CRMP1: variants seen among roughly 807,000 people sequenced by gnomAD.
CRMP1 encodes the protein collapsin response mediator protein 1, also known as dihydropyrimidinase-related protein 1.
In CRMP1, 19 loss-of-function variants were observed where a neutral mutation model predicts 68.3. The observed-to-expected ratio is 0.28, with a 90% CI of 0.19 to 0.41. CRMP1 has a LOEUF of 0.41. Ranked by LOEUF, CRMP1 falls within the 10% of genes least tolerant of loss-of-function variation. The pLI is 1.00. For synonymous variants in CRMP1, 439 were observed against 399.6 expected, an observed-to-expected ratio of 1.10 and a Z score of -1.18; for missense variants, 791 against 967.4, an observed-to-expected ratio of 0.82 and a Z score of 2.42.
At chr4:5,845,973 A>G (rs1712167179) in intron 6 of CRMP1, among the ~76,000 whole-genome samples, 1 of 152,176 alleles carries the variant, frequency 6.6e-6, no homozygotes, top group South Asian at 2.1e-4. Flanking sequence ...TCCCAGTATT[A>G]TCAGCCACAA....
chr4:5,872,579 C>G lies in CRMP1; in HGVS notation c.382-5823G>C, dbSNP rs909939466. ...GCAGGCACCTGTAATCCCAGCTACT[C>G]GGGAGGCTGAGGCAGGAGAATCACT... On this transcript the variant is annotated intron_variant, in intron 1 of 13. Coordinates refer to ENST00000324989, the MANE Select transcript of CRMP1 (RefSeq NM_001014809.3). The surrounding 1 kb of genome is among the most constrained non-coding windows in gnomAD (Gnocchi z 4.6). 6.6e-6 allele frequency among the ~76,000 whole-genome samples: 1 copy of G among 152,102 alleles called. No homozygotes were observed. The highest frequency in any genetic ancestry group is 3.2e-3 in the Middle Eastern group (1 of 316).
rs1279431747 is a variant in CRMP1, at chr4:5,853,880, T to C, written c.820+2263A>G. Among the ~76,000 whole-genome samples the C allele has an allele frequency of 6.6e-6, 1 of 152,210 alleles. No individual in the cohort carries two copies. ...TCACTTATATGTGGAATCTAAAAAG[T>C]TGATTTCATAGAAGCATACAAAGTT... is the stretch of plus-strand genomic sequence containing the variant. On this transcript the variant is annotated intron_variant, in intron 4 of 13. Transcript: ENST00000324989. This position sits in a 1 kb window ranked among gnomAD's most constrained non-coding sequence, Gnocchi z 4.7.
rs900546216 is a variant in CRMP1, at chr4:5,859,996, C to T, written c.655+1030G>A. Among the ~76,000 whole-genome samples the T allele has an allele frequency of 6.6e-5, 10 of 152,002 alleles. No homozygotes were observed. Among genetic ancestry groups the T allele is most frequent in the Admixed American group, 5.2e-4 (8 of 15,262 alleles). ...TTATTAAAATGAATCCAAGCAAAAG[C>T]GGCTCTTCAAAATCAACACAAGAAA... On this transcript the variant is annotated intron_variant, in intron 3 of 13. Transcript: ENST00000324989. The surrounding 1 kb of genome is among the most constrained non-coding windows in gnomAD (Gnocchi z 5.2).
intron 12 of CRMP1, chr4:5,827,967 GA>G: frequency 1.1e-6 from 1 of 908,594 alleles, no homozygotes; most frequent in Non-Finnish European, 1.3e-6. Flanking sequence ...GTTGTTCAAG[GA>G]AAATAAGGAA....
At chr4:5,847,234 A>G (rs1039178142) in intron 6 of CRMP1, among the ~76,000 whole-genome samples, 1 of 152,150 alleles carries the variant, frequency 6.6e-6, no homozygotes, top group Non-Finnish European at 1.5e-5. Context: ...TTCCTTCTTT[A>G]GCTTCATAGA....
In CRMP1 at chr4:5,825,468, G is replaced by A; in HGVS notation, c.1969+26C>T. On this transcript the variant is annotated intron_variant, in intron 13 of 13. Coordinates refer to ENST00000324989, the MANE Select transcript of CRMP1 (RefSeq NM_001014809.3). The surrounding 1 kb of genome is among the most constrained non-coding windows in gnomAD (Gnocchi z 4.4). ...CGGCCTGAACTGCTGCAATTGTGGG[G>A]AGCCTGGGCCACCACTCTTTCCTAC... is the stretch of plus-strand genomic sequence containing the variant. The A allele has an allele frequency of 6.5e-7, 1 of 1,543,928 alleles. No homozygotes were observed. The highest frequency in any genetic ancestry group is 8.7e-7 in the Non-Finnish European group (1 of 1,153,138).
rs554667874 is a variant in CRMP1, at chr4:5,838,378, G to A, written c.1310+1144C>T. Among the ~76,000 whole-genome samples, 55 of 152,170 alleles carry A rather than the reference G, an allele frequency of 3.6e-4. No homozygotes were observed. In the South Asian group the frequency reaches 9.8e-3, roughly 27 times the overall value. ...GGTTTCACTGGCAGAGGACTTACTGGTTCCAAGCAGAGGGGTGCTTGATCT... is the reference window on the plus strand; with the variant it reads ...GGTTTCACTGGCAGAGGACTTACTGATTCCAAGCAGAGGGGTGCTTGATCT... On this transcript the variant is annotated intron_variant, in intron 9 of 13. Transcript: ENST00000324989. This position sits in a 1 kb window ranked among gnomAD's most constrained non-coding sequence, Gnocchi z 4.9.
In CRMP1 at chr4:5,845,380, G is replaced by A. The variant is rs140701972; in HGVS notation, c.964-2219C>T. Among the ~76,000 whole-genome samples the A allele has an allele frequency of 4.1e-4, 63 of 152,354 alleles. No homozygotes were observed. The East Asian group carries it at 9.8e-3, about 24-fold the overall frequency. ...TGGTTAATCTGCTCTGAAGGAAGCC[G>A]CCTCGCTGGGGCTGCCCATGTGCAA... On this transcript the variant is annotated intron_variant, in intron 6 of 13. Coordinates refer to ENST00000324989, the MANE Select transcript of CRMP1 (RefSeq NM_001014809.3).
Position 5,888,667 on chromosome 4 carries a change from T to G in CRMP1, c.381+3922A>C. 4.8e-6 allele frequency: 4 copies of G among 828,118 alleles called. No individual in the cohort carries two copies. Among genetic ancestry groups the G allele is most frequent in the Non-Finnish European group, 5.4e-6 (4 of 746,528 alleles). 51.3% of individuals were successfully genotyped at this position (828,118 alleles called of 1,614,324 possible). On this transcript the variant is annotated intron_variant, in intron 1 of 13. Coordinates refer to ENST00000324989, the MANE Select transcript of CRMP1 (RefSeq NM_001014809.3). This position sits in a 1 kb window ranked among gnomAD's most constrained non-coding sequence, Gnocchi z 6.4. ...CGCCCAGCCCCGCCGACCCCCGCCC[T>G]GCGCACACGCCCTTGGCGGGCCCTG...
At chr4:5,823,054 C>T (rs74656832) in intron 13 of CRMP1, among the ~76,000 whole-genome samples, 2,810 of 152,294 alleles carry the variant, frequency 0.018, 74 homozygotes, top group African/African-American at 0.063. Flanking sequence ...TTTTTACTAG[C>T]TGCAGAACAC....
At chr4:5,827,899 A>AAGTT (rs1484872701) in intron 12 of CRMP1, 1 of 426,656 alleles carries the variant, frequency 2.3e-6, no homozygotes, top group East Asian at 1.6e-4. Flanking sequence ...AGTTGCTCTA[A>AAGTT]AGTTAGGAAT....
At position 5,843,178 on chromosome 4, in the gene CRMP1, AG is replaced by A. The variant is rs1369110566; in HGVS notation, c.964-18del. 6.2e-7 allele frequency: 1 copy of A among 1,614,040 alleles called. No homozygotes were observed. Among genetic ancestry groups the A allele is most frequent in the Non-Finnish European group, 8.5e-7 (1 of 1,179,926 alleles). The stretch of plus-strand genomic sequence containing the variant: ...CTTTTGTTCCTACAAGACAAGAACA[AG>A]TGAGTTAACGATTAGAGGGTGTCAG... On this transcript the variant is annotated intron_variant, in intron 6 of 13. Transcript: ENST00000324989. This position sits in a 1 kb window ranked among gnomAD's most constrained non-coding sequence, Gnocchi z 4.1.
In CRMP1 at chr4:5,877,601, C is replaced by T. The variant is rs928586365; in HGVS notation, c.382-10845G>A. Among the ~76,000 whole-genome samples the T allele has an allele frequency of 2.6e-5, 4 of 152,236 alleles. No homozygotes were observed. The highest frequency in any genetic ancestry group is 4.8e-5 in the African/African-American group (2 of 41,464). ...CCACACTATCCAGGAATGCAACCCACGAAGTGGCAACCGGTATGAGCCTGA... is the reference window on the plus strand; with the variant it reads ...CCACACTATCCAGGAATGCAACCCATGAAGTGGCAACCGGTATGAGCCTGA... On this transcript the variant is annotated intron_variant, in intron 1 of 13. Coordinates refer to ENST00000324989, the MANE Select transcript of CRMP1 (RefSeq NM_001014809.3). This position sits in a 1 kb window ranked among gnomAD's most constrained non-coding sequence, Gnocchi z 4.3.
In CRMP1 at chr4:5,841,194, AC is replaced by A; in HGVS notation, c.1153+113del. The A allele has an allele frequency of 6.5e-7, 1 of 1,537,522 alleles. No homozygotes were observed. The highest frequency in any genetic ancestry group is 8.9e-7 in the Non-Finnish European group (1 of 1,118,492). On this transcript the variant is annotated intron_variant, in intron 8 of 13. Coordinates refer to ENST00000324989, the MANE Select transcript of CRMP1 (RefSeq NM_001014809.3). The surrounding 1 kb of genome is among the most constrained non-coding windows in gnomAD (Gnocchi z 6.9). ...CTTGTGTCAGGAGCATCCCCGCTCC[AC>A]CCCTCCCTCCTCCGGCTGCCTGTCT...
At position 5,858,841 on chromosome 4, in the gene CRMP1, C is replaced by A. The variant is rs1336510580; in HGVS notation, c.655+2185G>T. ...ATCCCTCAATCTCGACACCCCTGCA[C>A]CGTGGGCCTCCCTGCAGTCTCTGGA... is the stretch of plus-strand genomic sequence containing the variant. On this transcript the variant is annotated intron_variant, in intron 3 of 13. Coordinates refer to ENST00000324989, the MANE Select transcript of CRMP1 (RefSeq NM_001014809.3). The surrounding 1 kb of genome is among the most constrained non-coding windows in gnomAD (Gnocchi z 5.5). 6.6e-6 allele frequency among the ~76,000 whole-genome samples: 1 copy of A among 152,170 alleles called. No homozygotes were observed. The highest frequency in any genetic ancestry group is 2.4e-5 in the African/African-American group (1 of 41,440).
At position 5,828,634 on chromosome 4, in the gene CRMP1, C is replaced by T; in HGVS notation, c.1658G>A (p.Cys553Tyr). ...VEYNIFEGMECHGSPLVVISQ... is the reference protein window; with the variant it reads ...VEYNIFEGMEYHGSPLVVISQ... ...GATGACCACTAGTGGGGAGCCGTGG[C>T]ACTCCATACCCTCGAAGATGTTGTA... Residue 553 changes from cysteine (C) to tyrosine (Y), a missense_variant, in exon 12 of 14, where the codon TGC becomes TAC. Cys to Tyr is a radical substitution (Grantham distance 194). Coordinates refer to ENST00000324989, the MANE Select transcript of CRMP1 (RefSeq NM_001014809.3). 14 of 1,614,232 alleles carry T rather than the reference C, an allele frequency of 8.7e-6. No homozygotes were observed. Among genetic ancestry groups the T allele is most frequent in the Non-Finnish European group, 1.1e-5 (13 of 1,180,042 alleles).
rs1421339501 is a variant in CRMP1 at position 5,825,475 on chromosome 4, G to A, written c.1969+19C>T. 2 of 1,552,218 alleles carry A rather than the reference G, an allele frequency of 1.3e-6. No homozygotes were observed. The highest frequency in any genetic ancestry group is 1.4e-5 in the African/African-American group (1 of 71,248). ...AACTGCTGCAATTGTGGGGAGCCTGGGCCACCACTCTTTCCTACCTGATAA... is the reference window on the plus strand; with the variant it reads ...AACTGCTGCAATTGTGGGGAGCCTGAGCCACCACTCTTTCCTACCTGATAA... On this transcript the variant is annotated intron_variant, in intron 13 of 13. Transcript: ENST00000324989. This position sits in a 1 kb window ranked among gnomAD's most constrained non-coding sequence, Gnocchi z 4.4.
rs1212319515 is a variant in CRMP1 at position 5,859,172 on chromosome 4, C to T, written c.655+1854G>A. On this transcript the variant is annotated intron_variant, in intron 3 of 13. Coordinates refer to ENST00000324989, the MANE Select transcript of CRMP1 (RefSeq NM_001014809.3). The surrounding 1 kb of genome is among the most constrained non-coding windows in gnomAD (Gnocchi z 5.2). The stretch of plus-strand genomic sequence containing the variant: ...TGCTTTTGTTCACCTGGTACAGTGC[C>T]TGGTGCGGACAACTCTTACTTAACA... Among the ~76,000 whole-genome samples the T allele has an allele frequency of 6.6e-6, 1 of 152,172 alleles. No homozygotes were observed. Among genetic ancestry groups the T allele is most frequent in the African/African-American group, 2.4e-5 (1 of 41,440 alleles).
In CRMP1 at chr4:5,821,758, G is replaced by A. The variant is rs142829070; in HGVS notation, c.*2C>T. ...CAGGCTAGCTCCTCCGCGCATCCAC[G>A]TTCAACCGAGGCTGGTGATGTTGGA... is the stretch of plus-strand genomic sequence containing the variant. On this transcript the variant is annotated 3_prime_UTR_variant, in exon 14 of 14. Transcript: ENST00000324989. This position sits in a 1 kb window ranked among gnomAD's most constrained non-coding sequence, Gnocchi z 4.4. 505 of 1,607,544 alleles carry A rather than the reference G, an allele frequency of 3.1e-4. No individual in the cohort carries two copies. The highest frequency in any genetic ancestry group is 3.9e-4 in the Non-Finnish European group (462 of 1,176,622).
Sources: gnomAD v4.1 joint callset for allele counts (sites outside exome capture counted in the v4.1 genomes callset) on GRCh38, gnomAD v4.1.1 for gene constraint, Gnocchi (gnomAD v3.1) non-coding constraint, MANE v1.5 for transcripts, NCBI Gene and HGNC (gene_info 2026-07-23, HGNC 2026-07-21) for gene names.